Variants in PIGN observed in about 807,000 individuals in gnomAD.
PIGN encodes the protein GPI ethanolamine phosphate transferase 1.
A neutral mutation model predicts 125.4 loss-of-function variants in PIGN; 117 were observed. The observed-to-expected ratio is 0.93, with a 90% CI of 0.80 to 1.09. PIGN has a LOEUF of 1.09. PIGN is among the 50% of genes least tolerant of loss of function. The probability of loss-of-function intolerance (pLI) is 0.00; values close to 1 mark genes in which losing one functional copy is unlikely to be tolerated. For missense variants in PIGN, 1,075 were observed against 1,094.9 expected (o/e 0.98, Z 0.26); for synonymous variants, 392 against 377.8 (o/e 1.04, Z -0.44).
At chr18:62,176,967 TAA>T (rs71715715) in intron 1 of PIGN, among the ~76,000 whole-genome samples, 34 of 149,096 alleles carry the variant, frequency 2.3e-4, no homozygotes, top group East Asian at 7.8e-4. Flanking sequence ...AAATAAAAAG[TAA>T]AAAAAAAAAA....
chr18:62,112,808 A>G, intron 16 of PIGN: 1 of 318,936 alleles, frequency 3.1e-6, no homozygotes, highest in South Asian at 1.6e-4. Flanking sequence ...GACCAGTTGT[A>G]CTAGAAAGAT....
At position 62,106,807 on chromosome 18, in the gene PIGN, C is replaced by T. The variant is rs200401462; in HGVS notation, c.1749G>A (p.Arg583=). The change falls in exon 19 of 31, where the codon CGG becomes CGA. Residue 583 remains arginine, a synonymous_variant. Transcript: ENST00000640252. ...TAFAAWPFLT[R]LWTRAKMTSL... Reference sequence around the variant, plus strand: ...CTCATACCTTTGCTCGAGTCCACAGCCGAGTGAGAAATGGCCAAGCTGCAA... The same window carrying T: ...CTCATACCTTTGCTCGAGTCCACAGTCGAGTGAGAAATGGCCAAGCTGCAA... 82 of 1,606,554 alleles carry T rather than the reference C, an allele frequency of 5.1e-5. No homozygotes were observed. In the African/African-American group the frequency reaches 8.8e-4, roughly 17 times the overall value.
intron 1 of PIGN, among the ~76,000 whole-genome samples, chr18:62,166,380 T>A (rs1455559028): frequency 6.6e-6 from 1 of 152,174 alleles, no homozygotes; most frequent in Non-Finnish European, 1.5e-5. Flanking sequence ...CAAACAAACA[T>A]ACATTCTGTA....
intron 28 of PIGN, among the ~76,000 whole-genome samples, chr18:62,078,174 A>G (rs2033268824): frequency 6.6e-6 from 1 of 152,196 alleles, no homozygotes; most frequent in Admixed American, 6.5e-5. Context: ...AGTAAGAAAC[A>G]ATTTTATCAG....
At chr18:62,175,082 T>G (rs1568260123) in intron 1 of PIGN, among the ~76,000 whole-genome samples, 1 of 146,334 alleles carries the variant, frequency 6.8e-6, no homozygotes, top group African/African-American at 2.5e-5. Flanking sequence ...ATATATTTAA[T>G]ATATCTAATA....
intron 14 of PIGN, among the ~76,000 whole-genome samples, chr18:62,124,064 A>T (rs1795452315): frequency 6.6e-6 from 1 of 152,152 alleles, no homozygotes; most frequent in South Asian, 2.1e-4. Flanking sequence ...GTGTTATGAC[A>T]CTAAACTTGT....
intron 7 of PIGN, among the ~76,000 whole-genome samples, chr18:62,149,057 T>G (rs1397602650): frequency 6.6e-6 from 1 of 152,206 alleles, no homozygotes; most frequent in African/African-American, 2.4e-5. Flanking sequence ...ACTTTTAAAT[T>G]ATTTTAAATA....
At chr18:62,035,881 T>G (rs918816913) in intron 23 of PIGN, among the ~76,000 whole-genome samples, 1 of 152,248 alleles carries the variant, frequency 6.6e-6, no homozygotes, top group Non-Finnish European at 1.5e-5. Context: ...TTTACTTTTC[T>G]CATGTATCCA....
chr18:62,144,782 C>T (rs1181479936), intron 10 of PIGN, among the ~76,000 whole-genome samples: 1 of 152,138 alleles, frequency 6.6e-6, no homozygotes, highest in Non-Finnish European at 1.5e-5. Flanking sequence ...ATGCATTTTG[C>T]CTCCTTTGCC....
rs2030637144 is a variant in PIGN, at chr18:62,045,897, T to C, written c.2755A>G (p.Lys919Glu). The C allele has an allele frequency of 6.2e-7, 1 of 1,613,756 alleles. No individual in the cohort carries two copies. The highest frequency in any genetic ancestry group is 1.7e-5 in the Admixed American group (1 of 59,994). The part of the protein sequence containing the change: ...NGLAQLLTTK[K>E]LRLCGKPKSH... ...TTGGGTTTGCCACATAGTCTGAGTT[T>C]CTTCGTTGTGAGCAGCTGGGCCAGG... is the stretch of plus-strand genomic sequence containing the variant. The change falls in exon 31 of 31, where the codon AAA becomes GAA. Residue 919 changes from lysine to glutamate, a missense_variant. By Grantham distance (56) the Lys-to-Glu change is moderately conservative (BLOSUM62 1). Transcript: ENST00000640252.
chr18:62,107,198 C>A, intron 17 of PIGN, 113 bp from the exon 18 acceptor site: 2 of 696,776 alleles, frequency 2.9e-6, no homozygotes, highest in Non-Finnish European at 5.0e-6. Flanking sequence ...ATAGATTATT[C>A]AAAAACTAAA....
At chr18:62,050,213 G>A (rs1210752227) in intron 30 of PIGN, among the ~76,000 whole-genome samples, 7 of 152,186 alleles carry the variant, frequency 4.6e-5, no homozygotes, top group Non-Finnish European at 1.0e-4. Context: ...GAACTTTAAA[G>A]TAGTTTTTTC....
chr18:62,126,934 T>C (rs1302392377), intron 14 of PIGN, among the ~76,000 whole-genome samples: 3 of 152,158 alleles, frequency 2.0e-5, no homozygotes, highest in Admixed American at 6.6e-5. Flanking sequence ...TCAACTTCCA[T>C]TGTACCTTAA....
intron 30 of PIGN, among the ~76,000 whole-genome samples, chr18:62,055,981 G>GT (rs533901162): frequency 9.3e-4 from 130 of 140,400 alleles, no homozygotes; most frequent in Non-Finnish European, 1.5e-3. Flanking sequence ...ATCTTCTTTT[G>GT]TTTTATGTTA....
At chr18:62,096,022 T>G (rs2034170588) in intron 22 of PIGN, 72 bp from the exon 23 acceptor site, 2 of 922,960 alleles carry the variant, frequency 2.2e-6, no homozygotes, top group Admixed American at 2.0e-5. Context: ...GGGCCGGGCG[T>G]GGTGGCTCAC....
At chr18:62,089,026 G>C (rs1350707096) in intron 24 of PIGN, among the ~76,000 whole-genome samples, 184 bp from the exon 25 acceptor site, 1 of 152,060 alleles carries the variant, frequency 6.6e-6, no homozygotes, top group Non-Finnish European at 1.5e-5. Flanking sequence ...AATAAAATGT[G>C]CCAAAAGGTA....
intron 1 of PIGN, among the ~76,000 whole-genome samples, chr18:62,185,076 CAGG>C (rs1225456348): frequency 6.6e-6 from 1 of 152,170 alleles, no homozygotes; most frequent in Non-Finnish European, 1.5e-5. Context: ...ATCCTAAATG[CAGG>C]AGATTTCTCA....
chr18:62,054,487 C>CTTTT (rs1276136932), intron 30 of PIGN, among the ~76,000 whole-genome samples: 1 of 141,620 alleles, frequency 7.1e-6, no homozygotes, highest in African/African-American at 2.6e-5. Flanking sequence ...TTTTTTTTTC[C>CTTTT]TATTTTTTTT....
intron 9 of PIGN, 38 bp downstream of exon 9, chr18:62,146,933 T>A: frequency 6.3e-7 from 1 of 1,593,712 alleles, no homozygotes; most frequent in Non-Finnish European, 8.6e-7. Context: ...TATCACTACT[T>A]TAATTGTAAG....
Sources: gnomAD v4.1 joint callset for allele counts (sites outside exome capture counted in the v4.1 genomes callset) on GRCh38, gnomAD v4.1.1 for gene constraint, MANE v1.5 for transcripts, NCBI Gene and HGNC (gene_info 2026-07-23, HGNC 2026-07-21) for gene names.